MTF2: variants seen among roughly 807,000 people sequenced by gnomAD.
MTF2 encodes the protein metal-response element-binding transcription factor 2.
MTF2 carries 11 observed loss-of-function variants against 79.5 expected under a neutral mutation model. The observed-to-expected ratio is 0.14, with a 90% CI of 0.09 to 0.23. The LOEUF (loss-of-function observed/expected upper bound fraction) is 0.23, where lower values mean the gene tolerates loss of function less well. Among genes scored for constraint, MTF2 ranks in the 10% least tolerant of loss-of-function variants. MTF2 has a pLI of 1.00. For missense variants in MTF2, 486 were observed against 711.2 expected, an observed-to-expected ratio of 0.68 and a Z score of 3.60; for synonymous variants, 208 against 232.8, an observed-to-expected ratio of 0.89 and a Z score of 0.97.
At chr1:93,105,230 G>T (rs1238226838) in intron 1 of MTF2, among the ~76,000 whole-genome samples, 4 of 152,062 alleles carry the variant, frequency 2.6e-5, no homozygotes, top group Non-Finnish European at 5.9e-5. Flanking sequence ...ACTGAAAAGG[G>T]GAGGAGACTA....
intron 1 of MTF2, among the ~76,000 whole-genome samples, chr1:93,097,048 G>C (rs1655320539): frequency 6.6e-6 from 1 of 152,044 alleles, no homozygotes; most frequent in Non-Finnish European, 1.5e-5. Context: ...GAGCTCAAAT[G>C]ATCTGCCCAC....
intron 1 of MTF2, among the ~76,000 whole-genome samples, chr1:93,091,554 C>A (rs934078977): frequency 6.6e-6 from 1 of 152,122 alleles, no homozygotes; most frequent in Non-Finnish European, 1.5e-5. Flanking sequence ...CCTATACTTA[C>A]CTTTCATGAA....
chr1:93,122,509 G>A (rs1343752329), intron 9 of MTF2, among the ~76,000 whole-genome samples: 1 of 151,976 alleles, frequency 6.6e-6, no homozygotes, highest in Non-Finnish European at 1.5e-5. Flanking sequence ...TGAATTTTGG[G>A]TGTCCCAGCT....
At chr1:93,086,026 A>G (rs1342646268) in intron 1 of MTF2, among the ~76,000 whole-genome samples, 1 of 152,206 alleles carries the variant, frequency 6.6e-6, no homozygotes, top group East Asian at 1.9e-4. Flanking sequence ...GTTTTATACC[A>G]ACATCACTGC....
intron 1 of MTF2, among the ~76,000 whole-genome samples, chr1:93,101,734 T>C (rs2101042699): frequency 6.6e-6 from 1 of 151,862 alleles, no homozygotes; most frequent in South Asian, 2.1e-4. Flanking sequence ...CATCCCACTA[T>C]GTCTGGCTGA....
At chr1:93,130,086 A>G (rs1247421518) in intron 11 of MTF2, among the ~76,000 whole-genome samples, 3 of 152,262 alleles carry the variant, frequency 2.0e-5, no homozygotes, top group Non-Finnish European at 4.4e-5. Context: ...TAGCAGAAAC[A>G]GCAAGTGCAA....
chr1:93,098,366 GTT>G (rs973260669), intron 1 of MTF2, among the ~76,000 whole-genome samples: 1 of 152,088 alleles, frequency 6.6e-6, no homozygotes, highest in South Asian at 2.1e-4. Context: ...ACTGCATATA[GTT>G]TTTTTGGTGT....
chr1:93,137,414 G>GT lies in MTF2; in HGVS notation c.*390dup, dbSNP rs1557564081. The stretch of plus-strand genomic sequence containing the variant: ...TAGCACAAGTATTTGGAGAAACGTT[G>GT]TTTGTTTTGTTACCAAAATGTTGGA... On this transcript the variant is annotated 3_prime_UTR_variant, in exon 15 of 15. Transcript: ENST00000370298. 1 of 159,506 alleles carries GT rather than the reference G, an allele frequency of 6.3e-6. No homozygotes were observed. Among genetic ancestry groups the GT allele is most frequent in the Non-Finnish European group, 1.4e-5 (1 of 72,414 alleles). 9.9% of individuals were successfully genotyped at this position (159,506 alleles called of 1,614,324 possible). A position where few individuals can be genotyped will look rare whatever the true frequency, so the allele number is the denominator to read the frequency against.
At chr1:93,083,409 T>A (rs1343058429) in intron 1 of MTF2, among the ~76,000 whole-genome samples, 1 of 152,226 alleles carries the variant, frequency 6.6e-6, no homozygotes, top group Non-Finnish European at 1.5e-5. Context: ...CATATCTTTT[T>A]AGGGTCAAAT....
rs770893619 is a variant in MTF2, at chr1:93,136,693, C to T, written c.1448C>T (p.Thr483Met). 9.3e-6 allele frequency: 15 copies of T among 1,612,916 alleles called. No homozygotes were observed. The highest frequency in any genetic ancestry group is 1.6e-4 in the Middle Eastern group (1 of 6,072). The change falls in exon 15 of 15, where the codon ACG becomes ATG. Residue 483 changes from threonine to methionine, a missense_variant. Thr to Met is a moderately conservative substitution (Grantham distance 81). Coordinates refer to ENST00000370298, the MANE Select transcript of MTF2 (RefSeq NM_007358.4). ...AGATTATCTGACTCCAGAAAAAGAACGCGTACAGGAAGATCTTGGCCTGCT... is the reference window on the plus strand; with the variant it reads ...AGATTATCTGACTCCAGAAAAAGAATGCGTACAGGAAGATCTTGGCCTGCT... ...HYGLSDSRKR[T>M]RTGRSWPAAI...
intron 9 of MTF2, among the ~76,000 whole-genome samples, chr1:93,123,258 C>G (rs61690932): frequency 0.1 from 12,303 of 120,182 alleles, 1,886 homozygotes; most frequent in African/African-American, 0.34. Flanking sequence ...GAGTCTCTCT[C>G]TCTCTTTTTT....
In MTF2 at chr1:93,133,990, A is replaced by G. The variant is rs771557390; in HGVS notation, c.1319+10A>G. 2 of 1,570,938 alleles carry G rather than the reference A, an allele frequency of 1.3e-6. No individual in the cohort carries two copies. The highest frequency in any genetic ancestry group is 1.7e-6 in the Non-Finnish European group (2 of 1,148,416). ...TACCTTGTTCTATAGGGTAAATAGAAAGTTATTTTCTCCCTTTCTAGGTTT... is the reference window on the plus strand; with the variant it reads ...TACCTTGTTCTATAGGGTAAATAGAGAGTTATTTTCTCCCTTTCTAGGTTT... On this transcript the variant is annotated intron_variant, in intron 13 of 14. Coordinates refer to ENST00000370298, the MANE Select transcript of MTF2 (RefSeq NM_007358.4).
intron 1 of MTF2, among the ~76,000 whole-genome samples, chr1:93,079,933 G>C (rs1187729166): frequency 6.6e-6 from 1 of 151,970 alleles, no homozygotes; most frequent in African/African-American, 2.4e-5. Context: ...AGGGAAATGT[G>C]GGGAGCAGAG....
chr1:93,081,214 A>G (rs1213916363), intron 1 of MTF2, among the ~76,000 whole-genome samples: 1 of 152,180 alleles, frequency 6.6e-6, no homozygotes, highest in African/African-American at 2.4e-5. Context: ...ATTATATTTA[A>G]TAGTTCTTTA....
intron 9 of MTF2, among the ~76,000 whole-genome samples, chr1:93,123,341 T>G (rs1364101506): frequency 6.7e-6 from 1 of 149,806 alleles, no homozygotes; most frequent in Non-Finnish European, 1.5e-5. Context: ...AGCCTTGAAC[T>G]CCTGAGGTCA....
intron 1 of MTF2, among the ~76,000 whole-genome samples, chr1:93,095,421 A>G (rs1042450228): frequency 3.3e-5 from 5 of 151,930 alleles, no homozygotes; most frequent in Admixed American, 1.3e-4. Flanking sequence ...GCTCACTGCA[A>G]CCTCCGCCTC....
chr1:93,132,099 A>G (rs1431893497), intron 11 of MTF2, among the ~76,000 whole-genome samples: 1 of 152,088 alleles, frequency 6.6e-6, no homozygotes. Context: ...TCGATGAAAT[A>G]TAAGGTAAAG....
chr1:93,112,676 C>G (rs1039247852), intron 3 of MTF2, among the ~76,000 whole-genome samples: 2 of 151,912 alleles, frequency 1.3e-5, no homozygotes, highest in African/African-American at 2.4e-5. Flanking sequence ...ATTTTAACAA[C>G]AACAAAAAAT....
At chr1:93,130,125 C>T (rs76940194) in intron 11 of MTF2, among the ~76,000 whole-genome samples, 1 of 152,176 alleles carries the variant, frequency 6.6e-6, no homozygotes. Flanking sequence ...TAAGAACTCA[C>T]AGAAGACTGG....
Sources: allele counts gnomAD v4.1 joint callset (sites outside exome capture counted in the v4.1 genomes callset), GRCh38; gene constraint gnomAD v4.1.1; transcripts MANE v1.5; gene names NCBI Gene and HGNC (gene_info 2026-07-23, HGNC 2026-07-21).